The following DMD variants were observed in gnomAD, a reference collection of about 807,000 sequenced individuals.
DMD encodes the protein mutant dystrophin.
A neutral mutation model predicts 330.1 loss-of-function variants in DMD; 63 were observed. The observed-to-expected ratio is 0.19, with a 90% CI of 0.16 to 0.24. DMD has a LOEUF of 0.24. Among genes scored for constraint, DMD ranks in the 10% least tolerant of loss-of-function variants. DMD has a pLI of 1.00. For synonymous variants in DMD, 1,223 were observed against 959.8 expected (o/e 1.27, Z -5.07); for missense variants, 3,344 against 2,684.1 (o/e 1.25, Z -5.43).
chrX:32,720,130 G>A lies in DMD; in HGVS notation c.650-20837C>T, dbSNP rs990148336. Among the ~76,000 whole-genome samples the A allele has an allele frequency of 8.1e-5, 9 of 111,320 alleles. No homozygotes were observed. The East Asian group carries it at 8.5e-4, about 10-fold the overall frequency. ...TATCTGACAGAGCCACTCAACACTC[G>A]TAACACCTATTATACGAGTCAAATC... is the stretch of plus-strand genomic sequence containing the variant. On this transcript the variant is annotated intron_variant, in intron 7 of 78. Transcript: ENST00000357033.
At chrX:31,566,307 C>T (rs1402960640) in intron 55 of DMD, among the ~76,000 whole-genome samples, 1 of 110,755 alleles carries the variant, frequency 9.0e-6, no homozygotes, top group Non-Finnish European at 1.9e-5. Flanking sequence ...TTTTTTTTCC[C>T]ACTCTAGGGA....
chrX:33,045,362 C>T (rs1029778022), intron 1 of DMD, among the ~76,000 whole-genome samples: 5 of 85,388 alleles, frequency 5.9e-5, no homozygotes, highest in Non-Finnish European at 1.0e-4. Context: ...AGATTGTAAC[C>T]ACATTCTTAA....
chrX:32,662,041 G>C (rs1363325205), intron 9 of DMD, among the ~76,000 whole-genome samples: 1 of 111,123 alleles, frequency 9.0e-6, no homozygotes, highest in Non-Finnish European at 1.9e-5. Flanking sequence ...ATACCTTTTT[G>C]TCACATAGTG....
At chrX:31,771,534 A>G (rs1209174337) in intron 51 of DMD, among the ~76,000 whole-genome samples, 2 of 107,662 alleles carry the variant, frequency 1.9e-5, no homozygotes, top group African/African-American at 6.8e-5. Context: ...ATGGAGTCTC[A>G]CTCTGTCACT....
chrX:33,100,089 A>G (rs888707292), intron 1 of DMD, among the ~76,000 whole-genome samples: 4 of 112,093 alleles, frequency 3.6e-5, no homozygotes, highest in African/African-American at 1.3e-4. Context: ...TTGTTGACTC[A>G]AGGACACTGG....
chrX:31,224,489 C>A (rs1602964637), intron 63 of DMD, among the ~76,000 whole-genome samples: 1 of 111,865 alleles, frequency 8.9e-6, no homozygotes, highest in South Asian at 3.7e-4. Flanking sequence ...TTTAAAAGAC[C>A]GGAATACCAA....
rs181399193 is a variant in DMD, at chrX:31,620,510, G to A, written c.8217+7163C>T. Among the ~76,000 whole-genome samples, 24 of 106,448 alleles carry A rather than the reference G, an allele frequency of 2.3e-4. No homozygotes were observed. The East Asian group carries it at 5.0e-3, about 22-fold the overall frequency. 92.4% of individuals were successfully genotyped at this position (106,448 alleles called of 115,157 possible). ...GCTCACTGCATCCTCTGCCTCCTACGTTCAAGCGATTCTCCTGCCTCTGCC... is the reference window on the plus strand; with the variant it reads ...GCTCACTGCATCCTCTGCCTCCTACATTCAAGCGATTCTCCTGCCTCTGCC... On this transcript the variant is annotated intron_variant, in intron 55 of 78. Transcript: ENST00000357033.
At chrX:31,950,715 A>G (rs2095149897) in intron 45 of DMD, among the ~76,000 whole-genome samples, 1 of 110,415 alleles carries the variant, frequency 9.1e-6, no homozygotes, top group African/African-American at 3.3e-5. Flanking sequence ...TGCTTAATTG[A>G]CCCCTTATAT....
At chrX:32,513,265 C>G (rs978117001) in intron 18 of DMD, among the ~76,000 whole-genome samples, 1 of 112,157 alleles carries the variant, frequency 8.9e-6, no homozygotes, top group Non-Finnish European at 1.9e-5. Context: ...TCCTGGCTAT[C>G]AGTAGCTGAT....
intron 2 of DMD, among the ~76,000 whole-genome samples, chrX:32,864,524 T>C (rs1285684617): frequency 8.9e-6 from 1 of 112,214 alleles, no homozygotes; most frequent in Non-Finnish European, 1.9e-5. Flanking sequence ...TACAGTTATA[T>C]AGCCTGCCAA....
At chrX:32,085,631 C>T (rs755992401) in intron 44 of DMD, among the ~76,000 whole-genome samples, 4 of 74,263 alleles carry the variant, frequency 5.4e-5, no homozygotes, top group African/African-American at 2.2e-4. Context: ...TATATATACA[C>T]ATATATACGT....
At chrX:32,427,495 T>A (rs1378342259) in intron 29 of DMD, among the ~76,000 whole-genome samples, 1 of 111,299 alleles carries the variant, frequency 9.0e-6, no homozygotes. Context: ...ACATTAAGCT[T>A]AAACACTGTT....
chrX:32,278,169 G>A (rs2097397985), intron 43 of DMD, among the ~76,000 whole-genome samples: 1 of 110,997 alleles, frequency 9.0e-6, no homozygotes, highest in Non-Finnish European at 1.9e-5. Flanking sequence ...CTCATTAGTG[G>A]CTACTATGAG....
intron 60 of DMD, among the ~76,000 whole-genome samples, chrX:31,381,069 G>A (rs1366442303): frequency 9.0e-6 from 1 of 111,151 alleles, no homozygotes. Flanking sequence ...TTAGATACCT[G>A]GTTTTGCCAT....
At chrX:31,394,852 T>G (rs1190413701) in intron 60 of DMD, among the ~76,000 whole-genome samples, 2 of 110,395 alleles carry the variant, frequency 1.8e-5, no homozygotes, top group East Asian at 5.7e-4. Context: ...ATACAGATTT[T>G]TTTTATGATC....
intron 43 of DMD, among the ~76,000 whole-genome samples, chrX:32,280,726 T>C (rs910604940): frequency 2.7e-5 from 3 of 112,048 alleles, no homozygotes; most frequent in Non-Finnish European, 5.6e-5. Context: ...TCTGTCCCTC[T>C]AGCTTCCACT....
At chrX:32,524,066 G>A (rs2046708439) in intron 17 of DMD, among the ~76,000 whole-genome samples, 1 of 108,461 alleles carries the variant, frequency 9.2e-6, no homozygotes, top group Admixed American at 9.9e-5. Flanking sequence ...CCGAGTAGCT[G>A]GGACCACAGG....
At chrX:32,075,215 A>C in intron 44 of DMD, among the ~76,000 whole-genome samples, 1 of 112,248 alleles carries the variant, frequency 8.9e-6, no homozygotes, top group Non-Finnish European at 1.9e-5. Context: ...TCTCTCTGCC[A>C]TCCTAAAAAC....
intron 7 of DMD, among the ~76,000 whole-genome samples, chrX:32,729,678 G>C (rs190637162): frequency 8.9e-6 from 1 of 111,847 alleles, no homozygotes; most frequent in Non-Finnish European, 1.9e-5. Flanking sequence ...CATAGATGAA[G>C]AAGTGTATAT....
Sources: gnomAD v4.1 joint callset for allele counts (sites outside exome capture counted in the v4.1 genomes callset) on GRCh38, gnomAD v4.1.1 for gene constraint, MANE v1.5 for transcripts, NCBI Gene and HGNC (gene_info 2026-07-23, HGNC 2026-07-21) for gene names.